DENND3: variants seen among roughly 807,000 people sequenced by gnomAD.
DENND3 encodes DENN domain containing 3.
A neutral mutation model predicts 135.1 loss-of-function variants in DENND3; 88 were observed. The ratio of observed to expected loss-of-function variants is 0.65; its 90% CI spans 0.55 to 0.78. The LOEUF is 0.78. DENND3 is among the 30% of genes least tolerant of loss of function. DENND3 has a pLI of 0.00. For synonymous variants in DENND3, 693 were observed against 712.3 expected (o/e 0.97, Z 0.43); for missense variants, 1,392 against 1,688.4 (o/e 0.82, Z 3.08).
intron 1 of DENND3, among the ~76,000 whole-genome samples, chr8:141,131,332 G>C (rs1816066754): frequency 6.6e-6 from 1 of 152,202 alleles, no homozygotes; most frequent in African/African-American, 2.4e-5. Context: ...TCACACAGGA[G>C]TAGAAAGTGT....
At position 141,128,939 on chromosome 8, in the gene DENND3, C is replaced by T; in HGVS notation, c.102+130C>T. The stretch of plus-strand genomic sequence containing the variant: ...CGAGGGCTGAGTCCCGGTCCCCCGG[C>T]GGTGACCCCGCGCGCCTGTGGCCGG... On this transcript the variant is annotated intron_variant, in intron 1 of 22. Coordinates refer to ENST00000519811, the MANE Select transcript of DENND3 (RefSeq NM_001352890.3). This position sits in a 1 kb window ranked among gnomAD's most constrained non-coding sequence, Gnocchi z 4.5. The T allele has an allele frequency of 4.5e-6, 3 of 661,456 alleles. No individual in the cohort carries two copies. Among genetic ancestry groups the T allele is most frequent in the South Asian group, 3.3e-5 (1 of 30,282 alleles). 41.0% of individuals were successfully genotyped at this position (661,456 alleles called of 1,614,324 possible). A position where few individuals can be genotyped will look rare whatever the true frequency, so the allele number is the denominator to read the frequency against.
intron 10 of DENND3, 36 bp downstream of exon 10, chr8:141,163,465 T>C (rs770997810): frequency 7.8e-7 from 1 of 1,284,038 alleles, no homozygotes. Context: ...CCTGTGTGTG[T>C]TCAATCCATT....
At chr8:141,129,173 C>T (rs1816565185) in intron 1 of DENND3, among the ~76,000 whole-genome samples, 1 of 152,268 alleles carries the variant, frequency 6.6e-6, no homozygotes, top group African/African-American at 2.4e-5. Context: ...GCAGGTGCTT[C>T]TGAAGGTGGG....
chr8:141,136,459 C>G, intron 1 of DENND3, 50 bp from the exon 2 acceptor site: 1 of 1,483,470 alleles, frequency 6.7e-7, no homozygotes, highest in Non-Finnish European at 9.0e-7. Flanking sequence ...AGGATACCCT[C>G]GAACAAGAGC....
chr8:141,150,491 T>A, intron 5 of DENND3: 1 of 367,302 alleles, frequency 2.7e-6, no homozygotes, highest in Non-Finnish European at 4.6e-6. Flanking sequence ...CTAAGAATAA[T>A]TTGAACATGC....
In DENND3 at chr8:141,175,572, C is replaced by T; in HGVS notation, c.2535+113C>T. ...ATGCCAAGTACCAGCTGCAGCCCTT[C>T]TGCAGACCGAATGCCTTCCTGTCCC... On this transcript the variant is annotated intron_variant, in intron 14 of 22. Coordinates refer to ENST00000519811, the MANE Select transcript of DENND3 (RefSeq NM_001352890.3). The surrounding 1 kb of genome is among the most constrained non-coding windows in gnomAD (Gnocchi z 5.4). 1 of 1,539,230 alleles carries T rather than the reference C, an allele frequency of 6.5e-7. No individual in the cohort carries two copies. Among genetic ancestry groups the T allele is most frequent in the Non-Finnish European group, 8.9e-7 (1 of 1,124,068 alleles).
At position 141,139,576 on chromosome 8, in the gene DENND3, A is replaced by T. The variant is rs1817206199; in HGVS notation, c.501+1439A>T. 6.6e-6 allele frequency among the ~76,000 whole-genome samples: 1 copy of T among 152,232 alleles called. No individual in the cohort carries two copies. The highest frequency in any genetic ancestry group is 1.5e-5 in the Non-Finnish European group (1 of 68,032). ...ATGAGAGGAAGGTGCCCCTCCACGT[A>T]GCCAGTGTTCCAGATGAGAAAGGAT... On this transcript the variant is annotated intron_variant, in intron 3 of 22. Transcript: ENST00000519811. This position sits in a 1 kb window ranked among gnomAD's most constrained non-coding sequence, Gnocchi z 4.2.
intron 18 of DENND3, among the ~76,000 whole-genome samples, chr8:141,186,056 G>T (rs1823853475): frequency 6.6e-6 from 1 of 151,310 alleles, no homozygotes; most frequent in African/African-American, 2.4e-5. Context: ...GATCCACCTC[G>T]GTCTCCTGAG....
In DENND3 at chr8:141,154,046, G is replaced by A. The variant is rs1819141130; in HGVS notation, c.1075-1803G>A. Among the ~76,000 whole-genome samples, 1 of 152,186 alleles carries A rather than the reference G, an allele frequency of 6.6e-6. No individual in the cohort carries two copies. The highest frequency in any genetic ancestry group is 2.1e-4 in the South Asian group (1 of 4,832). On this transcript the variant is annotated intron_variant, in intron 7 of 22. Transcript: ENST00000519811. This position sits in a 1 kb window ranked among gnomAD's most constrained non-coding sequence, Gnocchi z 4.4. The stretch of plus-strand genomic sequence containing the variant: ...ACACTTGTGTCTCCCAAAGACGCTG[G>A]GCGTTAACACATCCACGGGACCGGC...
intron 1 of DENND3, among the ~76,000 whole-genome samples, chr8:141,131,547 G>C (rs539901010): frequency 1.1e-4 from 16 of 152,336 alleles, no homozygotes; most frequent in African/African-American, 3.4e-4. Flanking sequence ...TGAGCTTGTA[G>C]TGTGGCCAGT....
intron 7 of DENND3, among the ~76,000 whole-genome samples, chr8:141,152,459 T>C (rs746449324): frequency 1.5e-4 from 23 of 152,198 alleles, no homozygotes; most frequent in Non-Finnish European, 3.1e-4. Context: ...TCTGGACCTC[T>C]CGTGGGAACA....
chr8:141,193,807 C>A, intron 22 of DENND3: 3 of 590,778 alleles, frequency 5.1e-6, no homozygotes, highest in Non-Finnish European at 9.0e-6. Flanking sequence ...TTTTCCAGCA[C>A]GCAGTGCAGT....
At chr8:141,178,560 T>C (rs769202709) in intron 16 of DENND3, among the ~76,000 whole-genome samples, 41 of 152,166 alleles carry the variant, frequency 2.7e-4, no homozygotes, top group Non-Finnish European at 5.0e-4. Context: ...GCTCCTGGAA[T>C]CTCTGACTGG....
chr8:141,141,414 TG>T lies in DENND3; in HGVS notation c.623+97del, dbSNP rs200415858. 997 of 520,978 alleles carry T rather than the reference TG, an allele frequency of 1.9e-3. 9 individuals are homozygous for T. The African/African-American group carries it at 0.028, about 15-fold the overall frequency. 32.3% of individuals were successfully genotyped at this position (520,978 alleles called of 1,614,324 possible). A position where few individuals can be genotyped will look rare whatever the true frequency, so the allele number is the denominator to read the frequency against. On this transcript the variant is annotated intron_variant, in intron 4 of 22. Transcript: ENST00000519811. This position sits in a 1 kb window ranked among gnomAD's most constrained non-coding sequence, Gnocchi z 5.3. Reference sequence around the variant, plus strand: ...CAAGGGACCAGGGGGCTGGAGGTGGTGGGGGGGCAGCTCTCTGTTCCTCTCC... The same window carrying T: ...CAAGGGACCAGGGGGCTGGAGGTGGTGGGGGGCAGCTCTCTGTTCCTCTCC...
At position 141,178,085 on chromosome 8, in the gene DENND3, C is replaced by A; in HGVS notation, c.2725C>A (p.Gln909Lys). The A allele has an allele frequency of 6.2e-7, 1 of 1,610,014 alleles. No homozygotes were observed. The highest frequency in any genetic ancestry group is 8.5e-7 in the Non-Finnish European group (1 of 1,176,662). ...DDHKDPHYVQ[Q>K]ALTNVLLMDA... ...GTTGTAGGACCCTCACTACGTCCAG[C>A]AGGCGCTGACCAACGTCTTGCTGAT... The change falls in exon 16 of 23, where the codon CAG becomes AAG. Residue 909 changes from glutamine to lysine, a missense_variant. Gln to Lys is a moderately conservative substitution (Grantham distance 53). Transcript: ENST00000519811.
Position 141,136,747 on chromosome 8 carries a change from C to T in DENND3, c.341C>T (p.Pro114Leu), listed in dbSNP as rs544008138. The T allele has an allele frequency of 1.6e-5, 25 of 1,598,738 alleles. No homozygotes were observed. The highest frequency in any genetic ancestry group is 6.7e-5 in the African/African-American group (5 of 74,796). The part of the protein sequence containing the change: ...RAPEPEDVAV[P>L]GGVDLLTLPQ... ...CCAGAGCCTGAGGATGTCGCCGTCC[C>T]GGGCGGCGTGGACCTCCTCACCCTG... is the stretch of plus-strand genomic sequence containing the variant. The change falls in exon 2 of 23, where the codon CCG becomes CTG. Residue 114 changes from proline to leucine, a missense_variant. Transcript: ENST00000519811.
intron 16 of DENND3, among the ~76,000 whole-genome samples, chr8:141,178,729 C>A (rs1163079934): frequency 3.3e-5 from 5 of 152,226 alleles, no homozygotes; most frequent in African/African-American, 1.2e-4. Context: ...GGGTCAGCTT[C>A]CCCAGACAGG....
Position 141,195,102 on chromosome 8 carries a change from C to T in DENND3, c.*869C>T, listed in dbSNP as rs895277346. Reference sequence around the variant, plus strand: ...AGTGTGCCGCTCAGTTCCCTGAATCCGTGTGCACACTGCGTATGTGTACGC... The same window carrying T: ...AGTGTGCCGCTCAGTTCCCTGAATCTGTGTGCACACTGCGTATGTGTACGC... On this transcript the variant is annotated 3_prime_UTR_variant, in exon 23 of 23. Coordinates refer to ENST00000519811, the MANE Select transcript of DENND3 (RefSeq NM_001352890.3). 6.6e-6 allele frequency: 1 copy of T among 152,242 alleles called. No individual in the cohort carries two copies. Among genetic ancestry groups the T allele is most frequent in the Non-Finnish European group, 1.5e-5 (1 of 68,054 alleles). 9.4% of individuals were successfully genotyped at this position (152,242 alleles called of 1,614,324 possible). A position where few individuals can be genotyped will look rare whatever the true frequency, so the allele number is the denominator to read the frequency against.
At chr8:141,145,959 T>C (rs1569555506) in intron 5 of DENND3, among the ~76,000 whole-genome samples, 2 of 150,760 alleles carry the variant, frequency 1.3e-5, no homozygotes, top group African/African-American at 2.4e-5. Flanking sequence ...AGACATTCTC[T>C]TGCCTCAGCC....
Sources: allele counts gnomAD v4.1 joint callset (sites outside exome capture counted in the v4.1 genomes callset), GRCh38; gene constraint gnomAD v4.1.1; non-coding constraint Gnocchi (gnomAD v3.1); transcripts MANE v1.5; gene names NCBI Gene and HGNC (gene_info 2026-07-23, HGNC 2026-07-21).